The following MYO5B variants were observed in gnomAD, a reference collection of about 807,000 sequenced individuals.
MYO5B encodes the protein myosin VB.
MYO5B carries 143 observed loss-of-function variants against 229.3 expected under a neutral mutation model. The observed-to-expected ratio is 0.62, with a 90% CI of 0.54 to 0.72. The LOEUF is 0.72. Ranked by LOEUF, MYO5B falls within the 30% of genes least tolerant of loss-of-function variation. The pLI, the probability that MYO5B is intolerant of heterozygous loss-of-function variation, is 0.00. For missense variants in MYO5B, 2,321 were observed against 2,331.0 expected (o/e 1.00, Z 0.09); for synonymous variants, 918 against 885.2 (o/e 1.04, Z -0.66).
chr18:50,083,387 C>T (rs2031262600), intron 1 of MYO5B, among the ~76,000 whole-genome samples: 1 of 152,180 alleles, frequency 6.6e-6, no homozygotes, highest in South Asian at 2.1e-4. Context: ...ACAATTCCAA[C>T]CCTCTAATCA....
chr18:49,939,148 CTTTTTTTT>C (rs11313115), intron 14 of MYO5B, among the ~76,000 whole-genome samples: 22 of 119,046 alleles, frequency 1.8e-4, no homozygotes, highest in East Asian at 9.4e-4. Flanking sequence ...TCTTTTTTTT[CTTTTTTTT>C]TTTTTTTTTT....
chr18:49,909,611 A>T (rs978009898), intron 18 of MYO5B, among the ~76,000 whole-genome samples: 1 of 152,148 alleles, frequency 6.6e-6, no homozygotes, highest in Non-Finnish European at 1.5e-5. Context: ...CCACAACAGG[A>T]CCCTTGTCAT....
At chr18:50,159,256 C>T (rs927524347) in intron 1 of MYO5B, among the ~76,000 whole-genome samples, 9 of 152,278 alleles carry the variant, frequency 5.9e-5, no homozygotes, top group African/African-American at 7.2e-5. Context: ...AACTGATTTA[C>T]GCCCCCGCCA....
chr18:50,076,686 G>A (rs1457417037), intron 1 of MYO5B, among the ~76,000 whole-genome samples: 1 of 152,158 alleles, frequency 6.6e-6, no homozygotes, highest in African/African-American at 2.4e-5. Flanking sequence ...ACCACGAGCA[G>A]GCGTGACTTC....
chr18:50,165,887 C>G (rs1167565255), intron 1 of MYO5B, among the ~76,000 whole-genome samples: 1 of 152,132 alleles, frequency 6.6e-6, no homozygotes, highest in Non-Finnish European at 1.5e-5. Flanking sequence ...TTTCCTTCCC[C>G]AGGATCACAT....
At chr18:50,182,175 A>C (rs771779890) in intron 1 of MYO5B, among the ~76,000 whole-genome samples, 1 of 152,206 alleles carries the variant, frequency 6.6e-6, no homozygotes, top group East Asian at 1.9e-4. Context: ...CCTTCAGGCA[A>C]AAACTATGAG....
At chr18:49,962,906 T>TC (rs1568049559) in intron 11 of MYO5B, 43 bp downstream of exon 11, 5 of 1,521,434 alleles carry the variant, frequency 3.3e-6, no homozygotes, top group African/African-American at 1.4e-5. Flanking sequence ...CCCAGAGGAG[T>TC]CCCCCCAATC....
intron 4 of MYO5B, among the ~76,000 whole-genome samples, chr18:50,034,237 A>G (rs1432525495): frequency 1.3e-5 from 2 of 152,246 alleles, no homozygotes; most frequent in African/African-American, 4.8e-5. Context: ...CAGAAAAAGC[A>G]CAACAGACAG....
chr18:50,070,773 T>C (rs1237281383), intron 1 of MYO5B, among the ~76,000 whole-genome samples: 2 of 151,948 alleles, frequency 1.3e-5, no homozygotes, highest in African/African-American at 4.8e-5. Context: ...ATCCCCATCC[T>C]ACCTGCACCC....
chr18:50,071,280 C>A (rs1385252480), intron 1 of MYO5B, among the ~76,000 whole-genome samples: 5 of 152,310 alleles, frequency 3.3e-5, no homozygotes, highest in Non-Finnish European at 7.3e-5. Flanking sequence ...TTTGTTCATG[C>A]TTGCCCCAGG....
intron 19 of MYO5B, 111 bp downstream of exon 19, chr18:49,906,308 A>G (rs2024898733): frequency 3.6e-6 from 4 of 1,110,444 alleles, no homozygotes; most frequent in African/African-American, 1.6e-5. Flanking sequence ...CATGGCCCCA[A>G]CAGGAACCAC....
At chr18:50,035,926 T>A (rs745408197) in intron 4 of MYO5B, among the ~76,000 whole-genome samples, 13 of 152,166 alleles carry the variant, frequency 8.5e-5, no homozygotes, top group Non-Finnish European at 1.8e-4. Flanking sequence ...AGGATGCCCA[T>A]AAAACAGTCT....
intron 1 of MYO5B, among the ~76,000 whole-genome samples, chr18:50,059,949 G>A (rs2030646823): frequency 6.6e-6 from 1 of 152,144 alleles, no homozygotes; most frequent in Non-Finnish European, 1.5e-5. Flanking sequence ...CCAAGAAACA[G>A]ACACATGAAC....
At chr18:50,143,770 G>T (rs1431907756) in intron 1 of MYO5B, among the ~76,000 whole-genome samples, 1 of 152,148 alleles carries the variant, frequency 6.6e-6, no homozygotes, top group Admixed American at 6.5e-5. Context: ...AGCAATAGAA[G>T]GTCAGAACAT....
At chr18:50,176,186 T>C (rs924736177) in intron 1 of MYO5B, among the ~76,000 whole-genome samples, 3 of 152,186 alleles carry the variant, frequency 2.0e-5, no homozygotes, top group Non-Finnish European at 2.9e-5. Flanking sequence ...GGAGTTGGCT[T>C]AATGCTAAAG....
chr18:49,897,658 A>G (rs963843431), intron 21 of MYO5B, among the ~76,000 whole-genome samples: 1 of 152,248 alleles, frequency 6.6e-6, no homozygotes, highest in African/African-American at 2.4e-5. Context: ...GTTTTAAGCT[A>G]AGCCTTATTA....
intron 21 of MYO5B, among the ~76,000 whole-genome samples, chr18:49,897,947 G>A (rs1339858486): frequency 6.6e-6 from 1 of 152,154 alleles, no homozygotes; most frequent in African/African-American, 2.4e-5. Context: ...CTATACGGGT[G>A]TGCCATCTTT....
intron 12 of MYO5B, among the ~76,000 whole-genome samples, chr18:49,957,308 C>T (rs1379500354): frequency 6.6e-6 from 1 of 152,156 alleles, no homozygotes; most frequent in African/African-American, 2.4e-5. Context: ...AGGCCAAAGC[C>T]TGCCCCCAGC....
At chr18:49,898,613 TGTCAC>T (rs2024807185) in intron 21 of MYO5B, among the ~76,000 whole-genome samples, 2 of 152,172 alleles carry the variant, frequency 1.3e-5, no homozygotes, top group Admixed American at 6.5e-5. Flanking sequence ...GGATGTGGCT[TGTCAC>T]GTCACAGATT....
Sources: allele counts gnomAD v4.1 joint callset (sites outside exome capture counted in the v4.1 genomes callset), GRCh38; gene constraint gnomAD v4.1.1; transcripts MANE v1.5; gene names NCBI Gene and HGNC (gene_info 2026-07-23, HGNC 2026-07-21).